The following GRB10 variants were observed in gnomAD, a reference collection of about 807,000 sequenced individuals.
GRB10 encodes the protein growth factor receptor-bound protein 10.
A neutral mutation model predicts 80.9 loss-of-function variants in GRB10; 20 were observed. The ratio of observed to expected loss-of-function variants is 0.25; its 90% confidence interval spans 0.17 to 0.36. The LOEUF is 0.36. GRB10 is among the 10% of genes least tolerant of loss of function. GRB10 has a pLI of 1.00. For missense variants in GRB10, 548 were observed against 747.7 expected, an observed-to-expected ratio of 0.73 and a Z score of 3.12; for synonymous variants, 291 against 291.5, an observed-to-expected ratio of 1.00 and a Z score of 0.02.
intron 2 of GRB10, among the ~76,000 whole-genome samples, chr7:50,765,870 T>A (rs7785908): frequency 2.0e-5 from 3 of 151,688 alleles, no homozygotes; most frequent in African/African-American, 7.2e-5. Flanking sequence ...TTTAAGGTGG[T>A]GGGTATATTA....
intron 4 of GRB10, among the ~76,000 whole-genome samples, chr7:50,707,130 T>G (rs1388559456): frequency 6.6e-6 from 1 of 152,250 alleles, no homozygotes; most frequent in Non-Finnish European, 1.5e-5. Flanking sequence ...TGAAAATGAT[T>G]TGCAGCTTCT....
chr7:50,656,864 G>A (rs1389048007), intron 7 of GRB10, among the ~76,000 whole-genome samples: 2 of 152,192 alleles, frequency 1.3e-5, no homozygotes, highest in Non-Finnish European at 2.9e-5. Context: ...CACACATCCT[G>A]AGCTATAAAA....
chr7:50,718,472 C>T lies in GRB10; in HGVS notation c.51+13800G>A, dbSNP rs118045221. 1.4e-3 allele frequency among the ~76,000 whole-genome samples: 218 copies of T among 152,188 alleles called. 5 individuals carry two copies. In the East Asian group the frequency reaches 0.036, roughly 25 times the overall value. On this transcript the variant is annotated intron_variant, in intron 4 of 18. Transcript: ENST00000401949. ...CACTTTCTTCTCACGGCCACTGCGGCGCCCTCGGCTCAGGCTGCTCACTGC... is the reference window on the plus strand; with the variant it reads ...CACTTTCTTCTCACGGCCACTGCGGTGCCCTCGGCTCAGGCTGCTCACTGC...
At chr7:50,776,548 A>G (rs2077675556) in intron 2 of GRB10, among the ~76,000 whole-genome samples, 1 of 152,090 alleles carries the variant, frequency 6.6e-6, no homozygotes, top group African/African-American at 2.4e-5. Flanking sequence ...TATAAATTCC[A>G]TTTTCAATTC....
intron 7 of GRB10, among the ~76,000 whole-genome samples, chr7:50,649,772 G>C (rs2057760760): frequency 6.6e-6 from 1 of 152,158 alleles, no homozygotes; most frequent in Non-Finnish European, 1.5e-5. Context: ...GACTGGATTT[G>C]TACCTGAGTC....
chr7:50,663,270 C>A (rs986999415), intron 7 of GRB10, among the ~76,000 whole-genome samples: 128 of 152,316 alleles, frequency 8.4e-4, no homozygotes, highest in African/African-American at 2.5e-3. Context: ...CCTTCCCCCA[C>A]AAGGAGTAGG....
At chr7:50,605,442 G>A in intron 14 of GRB10, 36 bp from the exon 15 acceptor site, 1 of 1,515,482 alleles carries the variant, frequency 6.6e-7, no homozygotes, top group Non-Finnish European at 9.2e-7. Context: ...AAAATGCAGG[G>A]AAATAAGGCA....
intron 5 of GRB10, among the ~76,000 whole-genome samples, chr7:50,698,515 C>T (rs2063734176): frequency 6.6e-6 from 1 of 152,216 alleles, no homozygotes; most frequent in Non-Finnish European, 1.5e-5. Flanking sequence ...GAATACGCAG[C>T]AGGGTTCCAT....
At chr7:50,606,604 T>TA (rs2048574510) in intron 13 of GRB10, 190 bp from the exon 14 acceptor site, 2 of 612,338 alleles carry the variant, frequency 3.3e-6, no homozygotes, top group Admixed American at 2.6e-5. Flanking sequence ...CCCCTTGAAA[T>TA]AAAAAATCCG....
chr7:50,708,763 C>G (rs1251739639), intron 4 of GRB10, among the ~76,000 whole-genome samples: 1 of 150,240 alleles, frequency 6.7e-6, no homozygotes, highest in Non-Finnish European at 1.5e-5. Context: ...GCAATCTCCA[C>G]CTCCTGGGTT....
intron 7 of GRB10, among the ~76,000 whole-genome samples, chr7:50,651,940 C>A (rs1177877346): frequency 2.0e-5 from 3 of 152,364 alleles, no homozygotes; most frequent in African/African-American, 7.2e-5. Context: ...CAGGGCTGGA[C>A]CCTGCTGACG....
intron 5 of GRB10, among the ~76,000 whole-genome samples, chr7:50,683,478 T>A (rs1016424542): frequency 6.6e-6 from 1 of 152,224 alleles, no homozygotes; most frequent in African/African-American, 2.4e-5. Flanking sequence ...GGCTCACGCC[T>A]GTAATCCCAG....
At chr7:50,696,020 C>A (rs986859055) in intron 5 of GRB10, among the ~76,000 whole-genome samples, 2 of 152,162 alleles carry the variant, frequency 1.3e-5, no homozygotes, top group East Asian at 3.9e-4. Context: ...TGAGCATCTT[C>A]TCAAATTACT....
intron 2 of GRB10, 47 bp downstream of exon 2, chr7:50,780,580 C>T (rs2078178309): frequency 6.6e-6 from 1 of 152,192 alleles, no homozygotes; most frequent in African/African-American, 2.4e-5. Context: ...GTCCCAAGCC[C>T]AGAAAGTCAG....
chr7:50,754,449 C>T (rs926275611), intron 3 of GRB10, among the ~76,000 whole-genome samples: 1 of 152,200 alleles, frequency 6.6e-6, no homozygotes, highest in African/African-American at 2.4e-5. Flanking sequence ...GGTCACGGTT[C>T]ATGCATGACC....
intron 4 of GRB10, among the ~76,000 whole-genome samples, chr7:50,707,380 A>T (rs1184478779): frequency 6.6e-6 from 1 of 152,188 alleles, no homozygotes; most frequent in East Asian, 1.9e-4. Context: ...TCTTACACAC[A>T]TCCAAGTGTT....
chr7:50,683,858 T>C (rs372074047), intron 5 of GRB10, among the ~76,000 whole-genome samples: 40 of 152,340 alleles, frequency 2.6e-4, no homozygotes, highest in Middle Eastern at 3.4e-3. Flanking sequence ...TAAATTGAAT[T>C]GTTCCCAGGT....
intron 7 of GRB10, among the ~76,000 whole-genome samples, chr7:50,628,638 T>C (rs1379409401): frequency 6.6e-6 from 1 of 151,912 alleles, no homozygotes; most frequent in Admixed American, 6.6e-5. Flanking sequence ...CAGGTTAGCC[T>C]CCCAGCAGAC....
chr7:50,616,406 CAT>C, intron 10 of GRB10, 59 bp from the exon 11 acceptor site: 2 of 1,488,556 alleles, frequency 1.3e-6, no homozygotes, highest in South Asian at 2.3e-5. Context: ...TTAAAGCAGA[CAT>C]GTTATCAGCA....
Sources: gnomAD v4.1 joint callset for allele counts (sites outside exome capture counted in the v4.1 genomes callset) on GRCh38, gnomAD v4.1.1 for gene constraint, MANE v1.5 for transcripts, NCBI Gene and HGNC (gene_info 2026-07-23, HGNC 2026-07-21) for gene names.